LRRFIP1: variants seen among roughly 807,000 people sequenced by gnomAD.
The protein encoded by LRRFIP1 is LRR binding FLII interacting protein 1.
In LRRFIP1, 62 loss-of-function variants were observed where a neutral mutation model predicts 104.4. The ratio of observed to expected loss-of-function variants is 0.59; its 90% confidence interval spans 0.48 to 0.73. The LOEUF (loss-of-function observed/expected upper bound fraction) is 0.73. Ranked by LOEUF, LRRFIP1 falls within the 30% of genes least tolerant of loss-of-function variation. LRRFIP1 has a pLI of 0.00. For missense variants in LRRFIP1, 796 were observed against 824.5 expected (o/e 0.97, Z 0.42); for synonymous variants, 300 against 299.0 (o/e 1.00, Z -0.03).
At chr2:237,767,456 G>T (rs1284605080) in intron 19 of LRRFIP1, among the ~76,000 whole-genome samples, 1 of 152,188 alleles carries the variant, frequency 6.6e-6, no homozygotes, top group Non-Finnish European at 1.5e-5. Flanking sequence ...GTATATAAAT[G>T]TAAATCTTCC....
chr2:237,673,556 T>A (rs2090667428), intron 1 of LRRFIP1, among the ~76,000 whole-genome samples: 1 of 152,248 alleles, frequency 6.6e-6, no homozygotes, highest in Non-Finnish European at 1.5e-5. Flanking sequence ...TGCGGTTGTC[T>A]GACATCAGTC....
chr2:237,724,069 A>G (rs1195691127), intron 7 of LRRFIP1, among the ~76,000 whole-genome samples: 1 of 146,938 alleles, frequency 6.8e-6, no homozygotes, highest in Non-Finnish European at 1.5e-5. Context: ...TTTTTTTGCC[A>G]GAAAGTATTC....
At chr2:237,628,164 G>A (rs2081861962) in intron 1 of LRRFIP1, among the ~76,000 whole-genome samples, 1 of 152,214 alleles carries the variant, frequency 6.6e-6, no homozygotes, top group African/African-American at 2.4e-5. Flanking sequence ...ACGGTCGCCG[G>A]AGGCCACATG....
intron 5 of LRRFIP1, 108 bp downstream of exon 5, chr2:237,719,675 T>C (rs1003000258): frequency 4.6e-5 from 31 of 677,996 alleles, no homozygotes; most frequent in Middle Eastern, 4.1e-4. Flanking sequence ...GATGATATCA[T>C]CTCTTAAAGA....
intron 19 of LRRFIP1, among the ~76,000 whole-genome samples, chr2:237,767,181 AAAAG>A (rs545013140): frequency 5.7e-4 from 87 of 152,320 alleles, no homozygotes; most frequent in East Asian, 3.5e-3. Context: ...GTCTCAAAAA[AAAAG>A]AAAGAAAAGA....
intron 1 of LRRFIP1, among the ~76,000 whole-genome samples, chr2:237,629,492 A>G (rs1171854852): frequency 9.9e-6 from 1 of 100,818 alleles, no homozygotes; most frequent in Non-Finnish European, 2.0e-5. Context: ...TTTTTTTTTT[A>G]ACACAGTCTC....
chr2:237,665,831 G>A (rs906441750), intron 1 of LRRFIP1, among the ~76,000 whole-genome samples: 12 of 152,186 alleles, frequency 7.9e-5, no homozygotes, highest in South Asian at 2.1e-4. Flanking sequence ...CACTGGGGTC[G>A]TTTGTGGAAG....
intron 1 of LRRFIP1, among the ~76,000 whole-genome samples, chr2:237,651,754 T>A (rs34750485): frequency 0.13 from 20,442 of 152,330 alleles, 1,876 homozygotes; most frequent in Non-Finnish European, 0.21. Context: ...GCATAAAATC[T>A]ATTTTAATAA....
In LRRFIP1 at chr2:237,634,508, G is replaced by A. The variant is rs955224462; in HGVS notation, c.96+6768G>A. The stretch of plus-strand genomic sequence containing the variant: ...AGGGCAAGTTACTTATCAACTTTGT[G>A]CCTCAGTTCCCCCATAGGTAAGATG... On this transcript the variant is annotated intron_variant, in intron 1 of 23. Coordinates refer to ENST00000308482, the MANE Select transcript of LRRFIP1 (RefSeq NM_001137550.2). Among the ~76,000 whole-genome samples, 14 of 152,296 alleles carry A rather than the reference G, an allele frequency of 9.2e-5. No individual in the cohort carries two copies. In the East Asian group the frequency reaches 2.5e-3, roughly 27 times the overall value.
chr2:237,759,704 C>A (rs926219393), intron 18 of LRRFIP1, among the ~76,000 whole-genome samples: 1 of 152,106 alleles, frequency 6.6e-6, no homozygotes, highest in African/African-American at 2.4e-5. Context: ...TTAAAGAATG[C>A]AATCAGGGTT....
intron 4 of LRRFIP1, among the ~76,000 whole-genome samples, chr2:237,718,842 A>C (rs1357967550): frequency 6.6e-6 from 1 of 152,242 alleles, no homozygotes; most frequent in African/African-American, 2.4e-5. Flanking sequence ...GCCTAGGCAA[A>C]CCATCATTTT....
intron 4 of LRRFIP1, among the ~76,000 whole-genome samples, chr2:237,718,696 A>G (rs1230451906): frequency 6.6e-6 from 1 of 152,220 alleles, no homozygotes; most frequent in Non-Finnish European, 1.5e-5. Flanking sequence ...GTCCTATTAA[A>G]TGTTCCTTAT....
chr2:237,657,766 C>T (rs748583580), intron 1 of LRRFIP1, among the ~76,000 whole-genome samples: 4 of 152,126 alleles, frequency 2.6e-5, no homozygotes, highest in Non-Finnish European at 4.4e-5. Context: ...TCAGGAATAT[C>T]GTCCCCATAA....
chr2:237,630,268 C>T (rs2082162334), intron 1 of LRRFIP1, among the ~76,000 whole-genome samples: 1 of 152,226 alleles, frequency 6.6e-6, no homozygotes, highest in South Asian at 2.1e-4. Flanking sequence ...CAAATATCTA[C>T]TCCTTGAATT....
At chr2:237,642,459 G>GCTCCAGT (rs2084143853) in intron 1 of LRRFIP1, among the ~76,000 whole-genome samples, 1 of 151,982 alleles carries the variant, frequency 6.6e-6, no homozygotes, top group Admixed American at 6.6e-5. Context: ...CAGGCTCCAG[G>GCTCCAGT]TTCCAGGCTG....
intron 3 of LRRFIP1, among the ~76,000 whole-genome samples, chr2:237,716,544 C>T (rs776033688): frequency 2.6e-5 from 4 of 152,058 alleles, no homozygotes; most frequent in East Asian, 3.8e-4. Context: ...TAAATCTGGC[C>T]GCCCTTCGAA....
intron 2 of LRRFIP1, among the ~76,000 whole-genome samples, chr2:237,710,042 G>A (rs796356128): frequency 4.6e-5 from 7 of 151,490 alleles, no homozygotes; most frequent in South Asian, 2.1e-4. Flanking sequence ...TAATAGAGAC[G>A]GGGTTTCACC....
intron 14 of LRRFIP1, among the ~76,000 whole-genome samples, chr2:237,752,294 T>C (rs1236117391): frequency 1.3e-5 from 2 of 152,154 alleles, no homozygotes; most frequent in African/African-American, 2.4e-5. Flanking sequence ...TAATCCCAGC[T>C]ACTTGGGAGG....
chr2:237,657,967 A>G (rs1021759311), intron 1 of LRRFIP1, among the ~76,000 whole-genome samples: 10 of 152,240 alleles, frequency 6.6e-5, no homozygotes, highest in Non-Finnish European at 1.2e-4. Context: ...ACCAAGAGAT[A>G]AGTGAAAGAA....
Sources: gnomAD v4.1 joint callset for allele counts (sites outside exome capture counted in the v4.1 genomes callset) on GRCh38, gnomAD v4.1.1 for gene constraint, MANE v1.5 for transcripts, NCBI Gene and HGNC (gene_info 2026-07-23, HGNC 2026-07-21) for gene names.